The following ZFAT variants were observed in gnomAD, a reference collection of about 807,000 sequenced individuals.
ZFAT encodes the protein zinc finger and AT-hook domain containing.
ZFAT carries 64 observed loss-of-function variants against 117.7 expected under a neutral mutation model. The observed-to-expected ratio is 0.54, with a 90% CI of 0.44 to 0.67. The LOEUF (loss-of-function observed/expected upper bound fraction) is 0.67. Ranked by LOEUF, ZFAT falls within the 30% of genes least tolerant of loss-of-function variation. The pLI is 0.00. For synonymous variants in ZFAT, 679 were observed against 615.0 expected (o/e 1.10, Z -1.54); for missense variants, 1,433 against 1,584.5 (o/e 0.90, Z 1.62).
chr8:134,608,297 C>T (rs2130958806), intron 5 of ZFAT, among the ~76,000 whole-genome samples: 1 of 152,234 alleles, frequency 6.6e-6, no homozygotes, highest in East Asian at 1.9e-4. Flanking sequence ...ACTTTAATGC[C>T]ACATCATATG....
At chr8:134,687,227 T>TG (rs1010486485) in intron 1 of ZFAT, among the ~76,000 whole-genome samples, 3 of 152,224 alleles carry the variant, frequency 2.0e-5, no homozygotes, top group Non-Finnish European at 4.4e-5. Context: ...AAAATGCTGA[T>TG]GAACATGCCA....
intron 11 of ZFAT, among the ~76,000 whole-genome samples, chr8:134,562,011 A>G (rs1824088280): frequency 6.6e-6 from 1 of 152,234 alleles, no homozygotes; most frequent in South Asian, 2.1e-4. Context: ...GTTACTAATC[A>G]TCTGAGATTA....
intron 1 of ZFAT, among the ~76,000 whole-genome samples, chr8:134,668,061 G>T (rs1373518306): frequency 6.6e-6 from 1 of 152,188 alleles, no homozygotes; most frequent in Non-Finnish European, 1.5e-5. Flanking sequence ...GGCTGGGGAA[G>T]GGGTGCCCGC....
At chr8:134,586,777 T>A (rs1826097040) in intron 9 of ZFAT, among the ~76,000 whole-genome samples, 1 of 152,242 alleles carries the variant, frequency 6.6e-6, no homozygotes, top group Admixed American at 6.5e-5. Context: ...CTCCTCCTTC[T>A]GAAACAAGTC....
the ZFAT span, chr8:134,766,927 C>G: frequency 6.6e-6 from 1 of 152,344 alleles, no homozygotes; most frequent in East Asian, 1.9e-4. Context: ...ACTGCTTAGC[C>G]AAAGCTTCTG....
At chr8:134,554,428 A>T (rs1437478987) in intron 11 of ZFAT, among the ~76,000 whole-genome samples, 1 of 152,230 alleles carries the variant, frequency 6.6e-6, no homozygotes, top group Non-Finnish European at 1.5e-5. Context: ...GCTAGAGACC[A>T]AGGTATCCAC....
chr8:134,802,042 C>A, the ZFAT span, among the ~76,000 whole-genome samples: 1 of 152,176 alleles, frequency 6.6e-6, no homozygotes, highest in East Asian at 1.9e-4. Context: ...AATTCTGATG[C>A]AAGCTGATAT....
chr8:134,546,516 A>T (rs1822707577), intron 11 of ZFAT, among the ~76,000 whole-genome samples: 1 of 152,210 alleles, frequency 6.6e-6, no homozygotes, highest in Non-Finnish European at 1.5e-5. Flanking sequence ...TTGAATTCAG[A>T]CTTAATTCAG....
upstream of ZFAT, among the ~76,000 whole-genome samples, chr8:134,714,491 C>T (rs563757090): frequency 8.2e-4 from 124 of 152,068 alleles, no homozygotes; most frequent in Non-Finnish European, 1.3e-3. Context: ...AGGAAAACTC[C>T]CTTGGGCATT....
intron 12 of ZFAT, among the ~76,000 whole-genome samples, chr8:134,529,656 C>A (rs1430878887): frequency 1.3e-5 from 2 of 152,138 alleles, no homozygotes; most frequent in African/African-American, 4.8e-5. Flanking sequence ...CACCCAGTGC[C>A]CTCAGGGTGA....
At chr8:134,538,791 T>A (rs1822029832) in intron 11 of ZFAT, among the ~76,000 whole-genome samples, 1 of 111,990 alleles carries the variant, frequency 8.9e-6, no homozygotes, top group Non-Finnish European at 1.8e-5. Flanking sequence ...AGTGAGACCC[T>A]GTCACAAAAA....
chr8:134,595,601 A>C (rs748955729), intron 7 of ZFAT, among the ~76,000 whole-genome samples: 2 of 152,142 alleles, frequency 1.3e-5, no homozygotes, highest in Non-Finnish European at 1.5e-5. Flanking sequence ...CCCCTTTATA[A>C]AGTTTGCACA....
At chr8:134,512,686 A>G (rs1819947900) in intron 13 of ZFAT, 85 bp from the exon 14 acceptor site, 1 of 1,505,460 alleles carries the variant, frequency 6.6e-7, no homozygotes, top group African/African-American at 1.4e-5. Context: ...AAGATAGAAC[A>G]AACGCATATA....
At chr8:134,732,983 A>G in the ZFAT span, among the ~76,000 whole-genome samples, 83 of 152,330 alleles carry the variant, frequency 5.4e-4, no homozygotes, top group African/African-American at 1.7e-3. Flanking sequence ...GTAGTAATGT[A>G]TCAATATTGG....
intron 1 of ZFAT, among the ~76,000 whole-genome samples, chr8:134,683,962 G>C (rs1833194801): frequency 6.6e-6 from 1 of 152,174 alleles, no homozygotes; most frequent in Admixed American, 6.5e-5. Context: ...TGCAGCCCCT[G>C]CAGACCAAAC....
intron 3 of ZFAT, among the ~76,000 whole-genome samples, chr8:134,629,473 G>T (rs1829739710): frequency 1.3e-5 from 2 of 151,872 alleles, no homozygotes; most frequent in African/African-American, 4.8e-5. Context: ...GTGATTCCCT[G>T]CTGGCTGATA....
intron 1 of ZFAT, among the ~76,000 whole-genome samples, chr8:134,669,318 A>T (rs1481227766): frequency 6.6e-6 from 1 of 152,236 alleles, no homozygotes; most frequent in Non-Finnish European, 1.5e-5. Flanking sequence ...ACCAAAGTTG[A>T]AATGAAGGAA....
chr8:134,564,955 C>T lies in ZFAT; in HGVS notation c.2976+378G>A, dbSNP rs16905183. The T allele has an allele frequency of 0.011, 13,316 of 1,219,550 alleles. 1,195 individuals carry two copies. In the African/African-American group the frequency reaches 0.19, roughly 17 times the overall value. The allele number at this position is 1,219,550 out of a possible 1,614,324, so 75.5% of individuals were successfully genotyped here. On this transcript the variant is annotated intron_variant, in intron 11 of 15. Coordinates refer to ENST00000377838, the MANE Select transcript of ZFAT (RefSeq NM_020863.4). ...TTTTTACAACTGCTTGCCGGGTGGGCTTCATCACACCTGCTTTATCGGGTG... is the reference window on the plus strand; with the variant it reads ...TTTTTACAACTGCTTGCCGGGTGGGTTTCATCACACCTGCTTTATCGGGTG...
upstream of ZFAT, among the ~76,000 whole-genome samples, chr8:134,716,957 G>A (rs1430059971): frequency 6.6e-6 from 1 of 152,166 alleles, no homozygotes; most frequent in Non-Finnish European, 1.5e-5. Context: ...CTAAGAGTAA[G>A]TCAAAGACTT....
Sources: allele counts gnomAD v4.1 joint callset (sites outside exome capture counted in the v4.1 genomes callset), GRCh38; gene constraint gnomAD v4.1.1; transcripts MANE v1.5; gene names NCBI Gene and HGNC (gene_info 2026-07-23, HGNC 2026-07-21).